Variants in RALYL observed in about 807,000 individuals in gnomAD.
The protein encoded by RALYL is RNA-binding Raly-like protein.
In RALYL, 29 loss-of-function variants were observed where a neutral mutation model predicts 35.1. The ratio of observed to expected loss-of-function variants is 0.83; its 90% CI spans 0.61 to 1.13. RALYL has a LOEUF of 1.13. Among genes scored for constraint, RALYL ranks in the 50% most tolerant of loss-of-function variants. The pLI is 0.00. For synonymous variants in RALYL, 120 were observed against 127.6 expected (o/e 0.94, Z 0.40); for missense variants, 359 against 360.4 (o/e 1.00, Z 0.03).
intron 1 of RALYL, among the ~76,000 whole-genome samples, chr8:84,356,430 T>A (rs1851844677): frequency 1.3e-5 from 2 of 150,440 alleles, no homozygotes; most frequent in Non-Finnish European, 1.5e-5. Context: ...GCCCTTTTAT[T>A]CCATGCCTAT....
At chr8:84,428,106 T>TCTCTCTCTCTCTCACA (rs1182382963) in intron 1 of RALYL, among the ~76,000 whole-genome samples, 1 of 127,276 alleles carries the variant, frequency 7.9e-6, no homozygotes, top group Non-Finnish European at 1.7e-5. Flanking sequence ...TCTCTCTCTC[T>TCTCTCTCTCTCTCACA]CACACACACA....
At position 84,844,119 on chromosome 8, in the gene RALYL, G is replaced by T. The variant is rs537796063; in HGVS notation, c.366-5861G>T. On this transcript the variant is annotated intron_variant, in intron 4 of 8. Coordinates refer to ENST00000521268, the MANE Select transcript of RALYL (RefSeq NM_173848.7). Reference sequence around the variant, plus strand: ...CAACAGAAGCCAAAATTGACAAATGGGATCTAATTAAACTAAAGAGCTTCT... The same window carrying T: ...CAACAGAAGCCAAAATTGACAAATGTGATCTAATTAAACTAAAGAGCTTCT... Among the ~76,000 whole-genome samples, 46 of 152,182 alleles carry T rather than the reference G, an allele frequency of 3.0e-4. No individual in the cohort carries two copies. In the South Asian group the frequency reaches 9.3e-3, roughly 31 times the overall value.
chr8:84,488,433 C>G (rs1206435859), intron 1 of RALYL, among the ~76,000 whole-genome samples: 1 of 152,008 alleles, frequency 6.6e-6, no homozygotes, highest in Non-Finnish European at 1.5e-5. Context: ...TTCCCATTTT[C>G]AAAATGTCTC....
At chr8:84,363,139 T>G (rs961686537) in intron 1 of RALYL, among the ~76,000 whole-genome samples, 8 of 152,096 alleles carry the variant, frequency 5.3e-5, no homozygotes, top group Non-Finnish European at 1.0e-4. Flanking sequence ...AAGACAAACT[T>G]GGACCCATGA....
rs117784250 is a variant in RALYL, at chr8:84,570,245, C to G, written c.256+40668C>G. Among the ~76,000 whole-genome samples the G allele has an allele frequency of 5.3e-3, 809 of 151,808 alleles. 1 individual carries two copies. The highest frequency in any genetic ancestry group is 9.9e-3 in the Non-Finnish European group (670 of 67,834). On this transcript the variant is annotated intron_variant, in intron 2 of 8. Transcript: ENST00000521268. ...ATGGGATTTTTTTATTTGTTTGTGT[C>G]ATCTATGATTTCTTTCATCAGTATT...
intron 2 of RALYL, among the ~76,000 whole-genome samples, chr8:84,684,455 T>G (rs573188068): frequency 7.3e-4 from 111 of 152,244 alleles, no homozygotes; most frequent in African/African-American, 2.6e-3. Flanking sequence ...TAGCCTGAGG[T>G]AAAGCTTTCT....
At chr8:84,389,481 A>AT (rs1409104424) in intron 1 of RALYL, among the ~76,000 whole-genome samples, 6 of 151,706 alleles carry the variant, frequency 4.0e-5, no homozygotes, top group East Asian at 1.9e-4. Flanking sequence ...ATGAGCATGG[A>AT]ATGTTCTTCC....
intron 2 of RALYL, among the ~76,000 whole-genome samples, chr8:84,655,592 G>A (rs1346397171): frequency 1.3e-5 from 2 of 152,088 alleles, no homozygotes; most frequent in Non-Finnish European, 2.9e-5. Flanking sequence ...GCCTCCCAAT[G>A]TGCCAGAATT....
chr8:84,781,635 A>ACTAT (rs1277190071), intron 3 of RALYL, among the ~76,000 whole-genome samples: 10 of 152,222 alleles, frequency 6.6e-5, no homozygotes, highest in Admixed American at 1.3e-4. Flanking sequence ...TAAAAATCAA[A>ACTAT]GGAAGTAAAA....
intron 4 of RALYL, among the ~76,000 whole-genome samples, chr8:84,841,294 CA>C (rs1000665438): frequency 6.6e-6 from 1 of 151,518 alleles, no homozygotes; most frequent in Admixed American, 6.6e-5. Flanking sequence ...AAATGGAAAA[CA>C]AAAAAAGGCA....
At chr8:84,479,120 A>T (rs1368473470) in intron 1 of RALYL, among the ~76,000 whole-genome samples, 2 of 146,380 alleles carry the variant, frequency 1.4e-5, no homozygotes, top group Admixed American at 1.4e-4. Context: ...AAAAAAAAAA[A>T]AAATCTATAC....
chr8:84,325,293 C>A (rs1019871180), intron 1 of RALYL, among the ~76,000 whole-genome samples: 1 of 152,150 alleles, frequency 6.6e-6, no homozygotes, highest in African/African-American at 2.4e-5. Context: ...TAGTCAATTT[C>A]ATTCACTGAA....
At chr8:84,539,888 G>GTATATATA (rs1564110851) in intron 2 of RALYL, among the ~76,000 whole-genome samples, 3 of 49,196 alleles carry the variant, frequency 6.1e-5, no homozygotes, top group Admixed American at 2.1e-4. Flanking sequence ...GTATATATAT[G>GTATATATA]TGTGTGTGTG....
chr8:84,876,764 T>C (rs760401515), intron 7 of RALYL, among the ~76,000 whole-genome samples: 2 of 152,158 alleles, frequency 1.3e-5, no homozygotes, highest in African/African-American at 2.4e-5. Flanking sequence ...AGTGATAACA[T>C]TGGGATGTTA....
At chr8:84,488,449 C>G (rs1035197834) in intron 1 of RALYL, among the ~76,000 whole-genome samples, 1 of 151,976 alleles carries the variant, frequency 6.6e-6, no homozygotes, top group African/African-American at 2.4e-5. Context: ...GTCTCTGCAT[C>G]CTGTTGTTGC....
At chr8:84,293,815 A>G (rs1288920919) in intron 1 of RALYL, among the ~76,000 whole-genome samples, 1 of 152,066 alleles carries the variant, frequency 6.6e-6, no homozygotes, top group Non-Finnish European at 1.5e-5. Flanking sequence ...AAGTGTTGGG[A>G]TTCACAAACA....
rs183510961 is a variant in RALYL, at chr8:84,732,929, T to G, written c.257-41650T>G. Among the ~76,000 whole-genome samples, 183 of 151,896 alleles carry G rather than the reference T, an allele frequency of 1.2e-3. 2 individuals carry two copies. The Middle Eastern group carries it at 0.024, about 20-fold the overall frequency. Reference sequence around the variant, plus strand: ...CCATGCTGGTCTAGAACTCCTGACCTCCAGTGACTACCCACCTCAGCCTCC... The same window carrying G: ...CCATGCTGGTCTAGAACTCCTGACCGCCAGTGACTACCCACCTCAGCCTCC... On this transcript the variant is annotated intron_variant, in intron 2 of 8. Coordinates refer to ENST00000521268, the MANE Select transcript of RALYL (RefSeq NM_173848.7).
intron 1 of RALYL, among the ~76,000 whole-genome samples, chr8:84,524,673 A>G (rs1190542824): frequency 6.6e-6 from 1 of 151,956 alleles, no homozygotes; most frequent in African/African-American, 2.4e-5. Flanking sequence ...TAAATGTATC[A>G]TATATGGATC....
chr8:84,687,519 G>A (rs1837063138), intron 2 of RALYL, among the ~76,000 whole-genome samples: 1 of 152,028 alleles, frequency 6.6e-6, no homozygotes, highest in Admixed American at 6.6e-5. Context: ...CCGATCCTTT[G>A]AGAACACTGA....
Sources: allele counts gnomAD v4.1 joint callset (sites outside exome capture counted in the v4.1 genomes callset), GRCh38; gene constraint gnomAD v4.1.1; transcripts MANE v1.5; gene names NCBI Gene and HGNC (gene_info 2026-07-23, HGNC 2026-07-21).